Variants in DMD observed in about 807,000 individuals in gnomAD.
The protein encoded by DMD is mutant dystrophin.
DMD carries 63 observed loss-of-function variants against 330.1 expected under a neutral mutation model. That is an observed-to-expected ratio of 0.19 (90% CI 0.16 to 0.24). The LOEUF (loss-of-function observed/expected upper bound fraction) is 0.24. Among genes scored for constraint, DMD ranks in the 10% least tolerant of loss-of-function variants. The pLI is 1.00. For synonymous variants in DMD, 1,223 were observed against 959.8 expected, an observed-to-expected ratio of 1.27 and a Z score of -5.07; for missense variants, 3,344 against 2,684.1, an observed-to-expected ratio of 1.25 and a Z score of -5.43.
At chrX:31,404,322 C>A (rs1371703418) in intron 60 of DMD, among the ~76,000 whole-genome samples, 1 of 111,752 alleles carries the variant, frequency 8.9e-6, no homozygotes, top group Non-Finnish European at 1.9e-5. Flanking sequence ...GTAGCCACAG[C>A]CTTCATTTGC....
At position 32,456,020 on chromosome X, in the gene DMD, A is replaced by G. The variant is rs1210707660; in HGVS notation, c.3433-1188T>C. Among the ~76,000 whole-genome samples the G allele has an allele frequency of 5.4e-5, 6 of 111,276 alleles. No homozygotes were observed. The East Asian group carries it at 1.1e-3, about 21-fold the overall frequency. On this transcript the variant is annotated intron_variant, in intron 25 of 78. Coordinates refer to ENST00000357033, the MANE Select transcript of DMD (RefSeq NM_004006.3). Reference sequence around the variant, plus strand: ...TATACATAGTGCTTTTACTTTAAAAAGTAACTCTATTCAAAAGATGGTATT... The same window carrying G: ...TATACATAGTGCTTTTACTTTAAAAGGTAACTCTATTCAAAAGATGGTATT...
chrX:31,580,722 TAATC>T (rs1344144871), intron 55 of DMD, among the ~76,000 whole-genome samples: 1 of 112,150 alleles, frequency 8.9e-6, no homozygotes, highest in Non-Finnish European at 1.9e-5. Context: ...CCACAAGAAA[TAATC>T]AGAAAGACAT....
At chrX:31,902,993 T>C (rs892365913) in intron 47 of DMD, among the ~76,000 whole-genome samples, 2 of 111,365 alleles carry the variant, frequency 1.8e-5, no homozygotes, top group African/African-American at 6.5e-5. Flanking sequence ...ACAGAGACAA[T>C]TGTCCCTATT....
intron 1 of DMD, among the ~76,000 whole-genome samples, chrX:33,062,445 G>C (rs1463914909): frequency 1.8e-5 from 2 of 112,016 alleles, no homozygotes; most frequent in African/African-American, 3.2e-5. Context: ...GGAATTCAAG[G>C]AGTTTATTCT....
chrX:32,404,786 G>C (rs908295968), intron 30 of DMD, among the ~76,000 whole-genome samples: 3 of 111,821 alleles, frequency 2.7e-5, no homozygotes, highest in Admixed American at 1.9e-4. Flanking sequence ...AAATGATTAA[G>C]AGCCATATGC....
At chrX:31,353,855 G>A (rs1371768137) in intron 60 of DMD, among the ~76,000 whole-genome samples, 1 of 111,890 alleles carries the variant, frequency 8.9e-6, no homozygotes, top group East Asian at 2.8e-4. Context: ...AGTTTAAATA[G>A]AATGATTTAA....
At chrX:31,166,963 C>T (rs930331003) in intron 74 of DMD, among the ~76,000 whole-genome samples, 1 of 111,452 alleles carries the variant, frequency 9.0e-6, no homozygotes, top group African/African-American at 3.3e-5. Context: ...ACAAACCATC[C>T]CATTCTTGGA....
intron 21 of DMD, among the ~76,000 whole-genome samples, chrX:32,478,571 G>T (rs776496161): frequency 1.9e-4 from 21 of 111,781 alleles, no homozygotes; most frequent in African/African-American, 6.5e-4. Context: ...AATTACAAGT[G>T]CAAGGAAGTC....
chrX:32,385,234 G>C (rs771847982), intron 33 of DMD, among the ~76,000 whole-genome samples: 1 of 110,598 alleles, frequency 9.0e-6, no homozygotes, highest in Admixed American at 9.7e-5. Flanking sequence ...ACAGAATAGA[G>C]AGCCCAATAA....
chrX:32,456,604 G>GTA (rs1569563334), intron 25 of DMD, among the ~76,000 whole-genome samples: 5 of 103,366 alleles, frequency 4.8e-5, no homozygotes, highest in African/African-American at 1.8e-4. Flanking sequence ...GTGTGTGTGT[G>GTA]TGTGTGTGTG....
chrX:33,035,643 A>T (rs931996752), intron 1 of DMD, among the ~76,000 whole-genome samples: 1 of 111,985 alleles, frequency 8.9e-6, no homozygotes, highest in African/African-American at 3.2e-5. Flanking sequence ...TAATGCCTTA[A>T]TCGGACACAT....
intron 1 of DMD, among the ~76,000 whole-genome samples, chrX:33,190,994 A>AT (rs748217572): frequency 5.0e-4 from 6 of 12,045 alleles, no homozygotes; most frequent in East Asian, 5.5e-3. Context: ...ATATATATAT[A>AT]ATATATAATA....
chrX:31,309,730 T>A (rs2055326400), intron 62 of DMD, among the ~76,000 whole-genome samples: 1 of 112,211 alleles, frequency 8.9e-6, no homozygotes, highest in Admixed American at 9.5e-5. Flanking sequence ...ACATCCATGT[T>A]ATTTCCCATT....
At chrX:32,872,726 A>C (rs766201538) in intron 2 of DMD, among the ~76,000 whole-genome samples, 1 of 112,230 alleles carries the variant, frequency 8.9e-6, no homozygotes, top group South Asian at 3.7e-4. Context: ...GGGGAAGTGG[A>C]TGCTAAATGA....
chrX:32,855,558 T>TAA (rs2081478403), intron 2 of DMD, among the ~76,000 whole-genome samples: 1 of 111,719 alleles, frequency 9.0e-6, no homozygotes, highest in Admixed American at 9.5e-5. Context: ...GAACATACAC[T>TAA]GAAGAAAAGA....
intron 15 of DMD, among the ~76,000 whole-genome samples, chrX:32,569,010 A>G (rs778223258): frequency 8.9e-6 from 1 of 112,280 alleles, no homozygotes; most frequent in East Asian, 2.8e-4. Flanking sequence ...GCTCTAGAAA[A>G]TTCAGGTGGC....
At chrX:32,274,886 AC>A (rs1447645084) in intron 43 of DMD, among the ~76,000 whole-genome samples, 2 of 112,028 alleles carry the variant, frequency 1.8e-5, no homozygotes, top group Non-Finnish European at 3.8e-5. Flanking sequence ...ACCTCATGAC[AC>A]CAACTATATG....
intron 1 of DMD, among the ~76,000 whole-genome samples, chrX:33,242,900 GGGAAT>G (rs1317347572): frequency 8.9e-6 from 1 of 111,927 alleles, no homozygotes; most frequent in Non-Finnish European, 1.9e-5. Flanking sequence ...ATCTTCTTTA[GGGAAT>G]TGTCTATTCA....
intron 62 of DMD, among the ~76,000 whole-genome samples, chrX:31,293,202 TTA>T (rs2053866858): frequency 2.1e-5 from 1 of 48,548 alleles, no homozygotes. Flanking sequence ...GTAGTCTGGT[TTA>T]GTGTGTGTGT....
Sources: allele counts gnomAD v4.1 joint callset (sites outside exome capture counted in the v4.1 genomes callset), GRCh38; gene constraint gnomAD v4.1.1; transcripts MANE v1.5; gene names NCBI Gene and HGNC (gene_info 2026-07-23, HGNC 2026-07-21).